Variants in CNIH4 observed in about 807,000 individuals in gnomAD.
CNIH4 encodes the protein protein cornichon homolog 4.
CNIH4 carries 9 observed loss-of-function variants against 21.5 expected under a neutral mutation model. That is an observed-to-expected ratio of 0.42 (90% confidence interval 0.25 to 0.73). CNIH4 has a LOEUF of 0.73. Among genes scored for constraint, CNIH4 ranks in the 30% least tolerant of loss-of-function variants. CNIH4 has a pLI of 0.27. For missense variants in CNIH4, 159 were observed against 170.0 expected, an observed-to-expected ratio of 0.94 and a Z score of 0.36; for synonymous variants, 67 against 59.1, an observed-to-expected ratio of 1.13 and a Z score of -0.61.
chr1:224,371,608 T>TA (rs1367835954), intron 4 of CNIH4, among the ~76,000 whole-genome samples, 185 bp downstream of exon 4: 1 of 152,226 alleles, frequency 6.6e-6, no homozygotes, highest in African/African-American at 2.4e-5. Flanking sequence ...ACAGTAGATC[T>TA]ACCCTGTTGC....
At chr1:224,368,910 CTTT>C (rs11370391) in intron 3 of CNIH4, among the ~76,000 whole-genome samples, 2 of 143,158 alleles carry the variant, frequency 1.4e-5, no homozygotes, top group Non-Finnish European at 3.0e-5. Flanking sequence ...CTGTGTGTGT[CTTT>C]TTTTTTTTTT....
rs1672832180 is a variant in CNIH4, at chr1:224,378,208, A to G, written c.*2386A>G. The G allele has an allele frequency of 6.6e-6, 1 of 152,266 alleles. No homozygotes were observed. 9.4% of individuals were successfully genotyped at this position (152,266 alleles called of 1,614,324 possible). A position where few individuals can be genotyped will look rare whatever the true frequency, so the allele number is the denominator to read the frequency against. ...TAGTTGGGAGTAGGTGCACACCACC[A>G]TGCCCAGCGAATTTTTTGTAGAGAC... On this transcript the variant is annotated 3_prime_UTR_variant, in exon 5 of 5. Transcript: ENST00000465271.
At chr1:224,368,661 C>A (rs77342410) in intron 3 of CNIH4, among the ~76,000 whole-genome samples, 27 of 130,206 alleles carry the variant, frequency 2.1e-4, no homozygotes, top group East Asian at 4.7e-4. Flanking sequence ...AGCAGCTGCA[C>A]TTTTTTTTTT....
intron 1 of CNIH4, among the ~76,000 whole-genome samples, chr1:224,357,808 T>C (rs1240702572): frequency 6.6e-6 from 1 of 152,216 alleles, no homozygotes; most frequent in African/African-American, 2.4e-5. Flanking sequence ...GAGCAATAAA[T>C]GGTGGTTGAA....
At chr1:224,365,361 G>C (rs1672420960) in intron 2 of CNIH4, among the ~76,000 whole-genome samples, 1 of 152,276 alleles carries the variant, frequency 6.6e-6, no homozygotes, top group South Asian at 2.1e-4. Context: ...CTGGCATTCT[G>C]CTTCATTATC....
At chr1:224,356,803 G>A, upstream of CNIH4, 1 of 794,592 alleles carries the variant, frequency 1.3e-6, no homozygotes, top group Non-Finnish European at 2.2e-6. Flanking sequence ...TACAACTCCC[G>A]GCATGCCACA....
Position 224,376,073 on chromosome 1 carries a change from G to A in CNIH4, c.*251G>A. 1 of 1,200,466 alleles carries A rather than the reference G, an allele frequency of 8.3e-7. No individual in the cohort carries two copies. Among genetic ancestry groups the A allele is most frequent in the Non-Finnish European group, 1.0e-6 (1 of 964,894 alleles). 74.4% of individuals were successfully genotyped at this position (1,200,466 alleles called of 1,614,324 possible). The stretch of plus-strand genomic sequence containing the variant: ...AGGTGTTTTTCATCCTCTGTATGTT[G>A]AAGGTGGTTATTTGTATGTAGGAAC... On this transcript the variant is annotated 3_prime_UTR_variant, in exon 5 of 5. Coordinates refer to ENST00000465271, the MANE Select transcript of CNIH4 (RefSeq NM_014184.4).
rs545636506 is a variant in CNIH4, at chr1:224,375,956, C to T, written c.*134C>T. 25 of 1,356,768 alleles carry T rather than the reference C, an allele frequency of 1.8e-5. 1 individual carries two copies. The Middle Eastern group carries it at 5.9e-4, about 32-fold the overall frequency. 84.0% of individuals were successfully genotyped at this position (1,356,768 alleles called of 1,614,324 possible). A position where few individuals can be genotyped will look rare whatever the true frequency, so the allele number is the denominator to read the frequency against. ...CTCTTGGAACAAAAAACTATTTTTG[C>T]TGTATTTTTACCATATAAAGTATTT... On this transcript the variant is annotated 3_prime_UTR_variant, in exon 5 of 5. Transcript: ENST00000465271.
chr1:224,371,708 C>T (rs1447222517), intron 4 of CNIH4, among the ~76,000 whole-genome samples: 1 of 152,086 alleles, frequency 6.6e-6, no homozygotes, highest in Non-Finnish European at 1.5e-5. Flanking sequence ...TTTGGGAGGC[C>T]GAGGAGGGCA....
rs1330023862 is a variant in CNIH4, at chr1:224,356,897, G to T, written c.-28G>T. 4 of 1,587,250 alleles carry T rather than the reference G, an allele frequency of 2.5e-6. No individual in the cohort carries two copies. Among genetic ancestry groups the T allele is most frequent in the Non-Finnish European group, 3.4e-6 (4 of 1,163,804 alleles). On this transcript the variant is annotated 5_prime_UTR_variant, in exon 1 of 5. Transcript: ENST00000465271. Reference sequence around the variant, plus strand: ...TCGGGGCATCCGAGCGGGTTTGACGGAAGGAGCGGCGGCGACGGAGGAGGA... The same window carrying T: ...TCGGGGCATCCGAGCGGGTTTGACGTAAGGAGCGGCGGCGACGGAGGAGGA...
At chr1:224,360,659 G>T (rs905749626) in intron 2 of CNIH4, 96 bp downstream of exon 2, 2 of 550,606 alleles carry the variant, frequency 3.6e-6, no homozygotes, top group South Asian at 8.4e-5. Context: ...TGATTTTAGA[G>T]TACATGTTGT....
intron 3 of CNIH4, among the ~76,000 whole-genome samples, chr1:224,370,382 A>G (rs1018319371): frequency 6.6e-6 from 1 of 152,228 alleles, no homozygotes; most frequent in Admixed American, 6.5e-5. Flanking sequence ...TTTGCATTTC[A>G]AAGAAGTGAT....
chr1:224,378,516 A>G lies in CNIH4; in HGVS notation c.*2694A>G, dbSNP rs1442497318. The G allele has an allele frequency of 6.5e-6, 1 of 153,468 alleles. No individual in the cohort carries two copies. Among genetic ancestry groups the G allele is most frequent in the African/African-American group, 2.4e-5 (1 of 41,464 alleles). The allele number at this position is 153,468 out of a possible 1,614,324, so 9.5% of individuals were successfully genotyped here. ...TCTAACTCCCTCATCCCAAAGATAA[A>G]CTGAGGCCTAGAGATCGTTCAGGGT... On this transcript the variant is annotated 3_prime_UTR_variant, in exon 5 of 5. Transcript: ENST00000465271.
Position 224,365,968 on chromosome 1 carries a change from T to G in CNIH4, c.228T>G (p.Pro76=), listed in dbSNP as rs1440288304. The change falls in exon 3 of 5, where the codon CCT becomes CCG. Residue 76 remains proline, a synonymous_variant. Transcript: ENST00000465271. The part of the protein sequence containing the change: ...LHWFIFLLNL[P]VATWNIYRYI... ...GGTTCATCTTCCTTCTCAACTTACC[T>G]GTTGCCACTTGGAATATATATCGGT... 6.3e-7 allele frequency: 1 copy of G among 1,599,630 alleles called. No individual in the cohort carries two copies. Among genetic ancestry groups the G allele is most frequent in the Non-Finnish European group, 8.6e-7 (1 of 1,166,686 alleles).
At chr1:224,370,776 T>C (rs1672599909) in intron 3 of CNIH4, among the ~76,000 whole-genome samples, 2 of 152,118 alleles carry the variant, frequency 1.3e-5, no homozygotes. Flanking sequence ...AGATTAACAG[T>C]ATTATAACTT....
At chr1:224,357,835 C>T (rs548390499) in intron 1 of CNIH4, among the ~76,000 whole-genome samples, 1 of 152,190 alleles carries the variant, frequency 6.6e-6, no homozygotes, top group Non-Finnish European at 1.5e-5. Context: ...ACTGCAGTAG[C>T]CATGTCGGCT....
chr1:224,366,144 C>T (rs1027966471), intron 3 of CNIH4, among the ~76,000 whole-genome samples, 153 bp downstream of exon 3: 5 of 151,646 alleles, frequency 3.3e-5, no homozygotes, highest in Admixed American at 6.6e-5. Flanking sequence ...TCAGTTTAAG[C>T]GATTCTCCCA....
chr1:224,372,511 AACTTCCACCACTCAG>A (rs1319978385), intron 4 of CNIH4, among the ~76,000 whole-genome samples: 1 of 152,154 alleles, frequency 6.6e-6, no homozygotes, highest in Non-Finnish European at 1.5e-5. Flanking sequence ...TGTTGAAGTA[AACTTCCACCACTCAG>A]AAAATTCTTG....
intron 2 of CNIH4, 95 bp from the exon 3 acceptor site, chr1:224,365,784 A>G (rs753910635): frequency 9.7e-6 from 8 of 822,624 alleles, no homozygotes; most frequent in Non-Finnish European, 1.7e-5. Context: ...AGTAGCTTGT[A>G]AATTCTCTGT....
Sources: gnomAD v4.1 joint callset for allele counts (sites outside exome capture counted in the v4.1 genomes callset) on GRCh38, gnomAD v4.1.1 for gene constraint, MANE v1.5 for transcripts, NCBI Gene and HGNC (gene_info 2026-07-23, HGNC 2026-07-21) for gene names.